The following LRRTM4 variants were observed in gnomAD, a reference collection of about 807,000 sequenced individuals.
LRRTM4 encodes leucine-rich repeat transmembrane neuronal protein 4.
LRRTM4 carries 25 observed loss-of-function variants against 47.6 expected under a neutral mutation model. The ratio of observed to expected loss-of-function variants is 0.53; its 90% CI spans 0.38 to 0.73. LRRTM4 has a LOEUF of 0.73. Among genes scored for constraint, LRRTM4 ranks in the 30% least tolerant of loss-of-function variants. The pLI, the probability that LRRTM4 is intolerant of heterozygous loss-of-function variation, is 0.00. For synonymous variants in LRRTM4, 311 were observed against 269.5 expected (o/e 1.15, Z -1.51); for missense variants, 638 against 713.4 (o/e 0.89, Z 1.20).
chr2:77,008,891 C>G (rs1677760281), intron 3 of LRRTM4: 1 of 149,476 alleles, frequency 6.7e-6, no homozygotes, highest in African/African-American at 2.5e-5. Flanking sequence ...TAACACTTTA[C>G]TGTATCATAC....
At chr2:77,476,541 A>G (rs1677394710) in intron 3 of LRRTM4, among the ~76,000 whole-genome samples, 1 of 152,160 alleles carries the variant, frequency 6.6e-6, no homozygotes, top group Non-Finnish European at 1.5e-5. Flanking sequence ...TAGAAAATTC[A>G]TAGAATATAA....
chr2:76,781,614 C>A (rs1030578722), intron 3 of LRRTM4, among the ~76,000 whole-genome samples: 65 of 148,292 alleles, frequency 4.4e-4, no homozygotes, highest in East Asian at 7.8e-4. Flanking sequence ...TGCTTCGGCT[C>A]GCGCATGGTG....
At chr2:77,226,873 G>C (rs147317450) in intron 3 of LRRTM4, among the ~76,000 whole-genome samples, 2 of 152,066 alleles carry the variant, frequency 1.3e-5, no homozygotes, top group East Asian at 3.9e-4. Flanking sequence ...ATGGGTTTTA[G>C]ACAGAGTGCA....
Position 77,286,258 on chromosome 2 carries a change from T to C in LRRTM4, c.1551+232060A>G, listed in dbSNP as rs114353428. Reference sequence around the variant, plus strand: ...TTGGTTAAGAGTTTGTTCTTCATACTTATCTCAGTCAATAATTAAATAAAA... The same window carrying C: ...TTGGTTAAGAGTTTGTTCTTCATACCTATCTCAGTCAATAATTAAATAAAA... On this transcript the variant is annotated intron_variant, in intron 3 of 3. Transcript: ENST00000409884. 3.8e-3 allele frequency among the ~76,000 whole-genome samples: 575 copies of C among 152,176 alleles called. 3 individuals are homozygous for C. The highest frequency in any genetic ancestry group is 0.013 in the African/African-American group (535 of 41,548).
intron 3 of LRRTM4, among the ~76,000 whole-genome samples, chr2:76,902,133 T>C (rs1366353226): frequency 6.6e-6 from 1 of 152,252 alleles, no homozygotes; most frequent in South Asian, 2.1e-4. Context: ...AATAATACAA[T>C]AGAAGCCCAC....
chr2:76,898,198 G>GTACT (rs78146046), intron 3 of LRRTM4, among the ~76,000 whole-genome samples: 22,032 of 151,958 alleles, frequency 0.14, 1,997 homozygotes, highest in Admixed American at 0.22. Flanking sequence ...TAGAGACTAT[G>GTACT]TACTTGCTTT....
intron 3 of LRRTM4, among the ~76,000 whole-genome samples, chr2:77,423,089 T>C (rs1674965742): frequency 6.6e-6 from 1 of 152,110 alleles, no homozygotes; most frequent in Non-Finnish European, 1.5e-5. Flanking sequence ...TCTGCTTAGA[T>C]TGAAAAATTT....
chr2:76,793,254 T>C (rs1413195854), intron 3 of LRRTM4, among the ~76,000 whole-genome samples: 1 of 152,192 alleles, frequency 6.6e-6, no homozygotes, highest in Admixed American at 6.5e-5. Flanking sequence ...TTCCTTGACC[T>C]TTCCCAGTAT....
intron 3 of LRRTM4, among the ~76,000 whole-genome samples, chr2:77,080,668 A>C (rs1233311113): frequency 6.6e-6 from 1 of 152,104 alleles, no homozygotes; most frequent in Non-Finnish European, 1.5e-5. Flanking sequence ...ATTTTAACAA[A>C]TTATTTAACA....
intron 3 of LRRTM4, among the ~76,000 whole-genome samples, chr2:77,477,903 A>AAAAGAAAGAAAGAAAG (rs70956633): frequency 9.1e-6 from 1 of 109,826 alleles, no homozygotes; most frequent in Non-Finnish European, 1.8e-5. Context: ...AAAAGAAAGA[A>AAAAGAAAGAAAGAAAG]AAAGAAAGAA....
chr2:76,816,555 T>C (rs12613796), intron 3 of LRRTM4, among the ~76,000 whole-genome samples: 2 of 151,854 alleles, frequency 1.3e-5, no homozygotes, highest in Non-Finnish European at 2.9e-5. Flanking sequence ...TTTTTATTTA[T>C]TTTTTATTTT....
Position 77,050,050 on chromosome 2 carries a change from A to G in LRRTM4, c.1552-301134T>C, listed in dbSNP as rs1021678940. ...CCATAATATATTCTAATTTATAAAC[A>G]CTTGTCCTTTGGAGCAGAGGTCAGA... On this transcript the variant is annotated intron_variant, in intron 3 of 3. Coordinates refer to ENST00000409884, the MANE Select transcript of LRRTM4 (RefSeq NM_001134745.3). 2.6e-5 allele frequency among the ~76,000 whole-genome samples: 4 copies of G among 151,380 alleles called. No individual in the cohort carries two copies. In the South Asian group the frequency reaches 8.3e-4, roughly 31 times the overall value.
intron 3 of LRRTM4, among the ~76,000 whole-genome samples, chr2:77,435,848 T>C (rs2103915962): frequency 6.6e-6 from 1 of 152,274 alleles, no homozygotes; most frequent in African/African-American, 2.4e-5. Flanking sequence ...TCAATATCTT[T>C]ATCCCTCCTT....
intron 3 of LRRTM4, among the ~76,000 whole-genome samples, chr2:76,789,507 A>G (rs961604779): frequency 1.4e-4 from 21 of 152,154 alleles, no homozygotes; most frequent in African/African-American, 3.6e-4. Flanking sequence ...TAAGAGGAAA[A>G]TTCAAAAACA....
At chr2:77,030,604 C>T (rs1678619635) in intron 3 of LRRTM4, among the ~76,000 whole-genome samples, 1 of 152,110 alleles carries the variant, frequency 6.6e-6, no homozygotes, top group African/African-American at 2.4e-5. Context: ...TAATCTGAAT[C>T]TACCCTTTAA....
At chr2:77,254,255 A>AT (rs1374567187) in intron 3 of LRRTM4, among the ~76,000 whole-genome samples, 1 of 151,974 alleles carries the variant, frequency 6.6e-6, no homozygotes, top group Non-Finnish European at 1.5e-5. Context: ...GTGGTATCAC[A>AT]TTTTTTAAAT....
At chr2:77,165,334 CA>C (rs970299037) in intron 3 of LRRTM4, among the ~76,000 whole-genome samples, 20 of 151,872 alleles carry the variant, frequency 1.3e-4, no homozygotes, top group African/African-American at 4.6e-4. Context: ...GCTTACCAAC[CA>C]AAAAAAGTCC....
chr2:76,793,609 TTAAG>T (rs398060319), intron 3 of LRRTM4, among the ~76,000 whole-genome samples: 1 of 30,292 alleles, frequency 3.3e-5, no homozygotes, highest in Non-Finnish European at 5.5e-5. Context: ...TCTCGGTAAG[TTAAG>T]TTTTGAGGGC....
intron 3 of LRRTM4, among the ~76,000 whole-genome samples, chr2:77,072,813 A>AAAC (rs1558563366): frequency 6.6e-6 from 1 of 151,240 alleles, no homozygotes; most frequent in African/African-American, 2.4e-5. Flanking sequence ...AAAAAAAAAA[A>AAAC]AAAAAAAAAA....
Sources: gnomAD v4.1 joint callset for allele counts (sites outside exome capture counted in the v4.1 genomes callset) on GRCh38, gnomAD v4.1.1 for gene constraint, MANE v1.5 for transcripts, NCBI Gene and HGNC (gene_info 2026-07-23, HGNC 2026-07-21) for gene names.